XPR1: variants seen among roughly 807,000 people sequenced by gnomAD.
XPR1 encodes xenotropic and polytropic retrovirus receptor 1.
A neutral mutation model predicts 87.5 loss-of-function variants in XPR1; 28 were observed. The observed-to-expected ratio is 0.32, with a 90% CI of 0.24 to 0.44. The LOEUF (loss-of-function observed/expected upper bound fraction) is 0.44. XPR1 is among the 20% of genes least tolerant of loss of function. XPR1 has a pLI of 1.00. For synonymous variants in XPR1, 300 were observed against 306.1 expected (o/e 0.98, Z 0.21); for missense variants, 559 against 862.3 (o/e 0.65, Z 4.41).
At chr1:180,676,861 T>C (rs1656384336) in intron 1 of XPR1, among the ~76,000 whole-genome samples, 1 of 152,224 alleles carries the variant, frequency 6.6e-6, no homozygotes, top group South Asian at 2.1e-4. Flanking sequence ...TGTAATGTAA[T>C]GTAATCTTAG....
chr1:180,876,856 T>G (rs1356981355), intron 13 of XPR1, among the ~76,000 whole-genome samples: 1 of 152,216 alleles, frequency 6.6e-6, no homozygotes, highest in Non-Finnish European at 1.5e-5. Flanking sequence ...TGTTCCCACT[T>G]TTATTTAATA....
intron 2 of XPR1, among the ~76,000 whole-genome samples, chr1:180,692,725 T>C (rs2101959217): frequency 6.6e-6 from 1 of 152,272 alleles, no homozygotes; most frequent in African/African-American, 2.4e-5. Context: ...TGAAGAAATA[T>C]CTACTTCTTT....
intron 1 of XPR1, among the ~76,000 whole-genome samples, chr1:180,647,230 A>T (rs953276122): frequency 1.3e-5 from 2 of 152,220 alleles, no homozygotes; most frequent in Non-Finnish European, 2.9e-5. Flanking sequence ...AGCCGCTGTA[A>T]ATATGGATGA....
intron 7 of XPR1, among the ~76,000 whole-genome samples, chr1:180,816,863 T>C (rs1182705469): frequency 2.0e-5 from 3 of 152,332 alleles, no homozygotes; most frequent in Admixed American, 1.3e-4. Context: ...CTCCTACTTA[T>C]TAATAAAAGA....
chr1:180,791,006 G>A (rs1450700072), intron 3 of XPR1, among the ~76,000 whole-genome samples: 1 of 151,982 alleles, frequency 6.6e-6, no homozygotes, highest in Non-Finnish European at 1.5e-5. Flanking sequence ...CATATAGCAG[G>A]AGGAGGAGGA....
chr1:180,648,292 G>C lies in XPR1; in HGVS notation c.69+16022G>C, dbSNP rs553678097. On this transcript the variant is annotated intron_variant, in intron 1 of 14. Transcript: ENST00000367590. ...TGTAGCAGCAGAGGTTAAGGTTCTA[G>C]GTCTGTCTCTGCCATTAAGTGGCAG... is the stretch of plus-strand genomic sequence containing the variant. 1.1e-4 allele frequency among the ~76,000 whole-genome samples: 16 copies of C among 152,280 alleles called. No homozygotes were observed. In the East Asian group the frequency reaches 2.5e-3, roughly 24 times the overall value.
intron 12 of XPR1, among the ~76,000 whole-genome samples, chr1:180,864,818 G>A (rs1043497354): frequency 6.6e-6 from 1 of 152,142 alleles, no homozygotes; most frequent in Non-Finnish European, 1.5e-5. Flanking sequence ...AATCCTGAAT[G>A]TGAATGTAAA....
chr1:180,704,814 G>GTT (rs567903048), intron 2 of XPR1, among the ~76,000 whole-genome samples: 917 of 51,890 alleles, frequency 0.018, 76 homozygotes, highest in South Asian at 0.026. Context: ...ACTGTTGGTT[G>GTT]TTTTTTTTTT....
intron 2 of XPR1, among the ~76,000 whole-genome samples, chr1:180,734,498 G>T (rs1400728871): frequency 6.6e-6 from 1 of 152,192 alleles, no homozygotes; most frequent in Non-Finnish European, 1.5e-5. Flanking sequence ...GCAATGATCT[G>T]AGAAGTTTCA....
At chr1:180,767,980 G>T (rs1457591123) in intron 2 of XPR1, among the ~76,000 whole-genome samples, 1 of 152,058 alleles carries the variant, frequency 6.6e-6, no homozygotes, top group African/African-American at 2.4e-5. Flanking sequence ...GAGTAGCTGG[G>T]ACTACAGGCG....
intron 2 of XPR1, among the ~76,000 whole-genome samples, chr1:180,710,991 G>C (rs1273396201): frequency 6.7e-6 from 1 of 149,588 alleles, no homozygotes; most frequent in Non-Finnish European, 1.5e-5. Flanking sequence ...GCTGCCGGGC[G>C]GAGGGGCTCC....
chr1:180,843,869 G>A (rs1468495303), intron 11 of XPR1, among the ~76,000 whole-genome samples: 12 of 152,146 alleles, frequency 7.9e-5, no homozygotes, highest in Non-Finnish European at 1.5e-4. Flanking sequence ...AGTTTAAAAA[G>A]TCTCTACTAT....
chr1:180,776,548 C>A (rs1254883628), intron 2 of XPR1, among the ~76,000 whole-genome samples: 2 of 151,966 alleles, frequency 1.3e-5, no homozygotes, highest in East Asian at 3.9e-4. Context: ...CCAGAAATTA[C>A]ATTGTTTATA....
At chr1:180,834,660 T>A (rs897493970) in intron 9 of XPR1, among the ~76,000 whole-genome samples, 2 of 152,234 alleles carry the variant, frequency 1.3e-5, no homozygotes, top group African/African-American at 4.8e-5. Flanking sequence ...CTTTTTTTCC[T>A]CCTTTACTTC....
At chr1:180,677,559 C>T (rs1656409305) in intron 1 of XPR1, among the ~76,000 whole-genome samples, 1 of 152,120 alleles carries the variant, frequency 6.6e-6, no homozygotes, top group African/African-American at 2.4e-5. Context: ...CAAAGTATCT[C>T]AGGCACTGAT....
chr1:180,670,099 C>G (rs2101929696), intron 1 of XPR1, among the ~76,000 whole-genome samples: 1 of 151,878 alleles, frequency 6.6e-6, no homozygotes, highest in Non-Finnish European at 1.5e-5. Flanking sequence ...TATTTCCATC[C>G]TTTCACTTTC....
At chr1:180,708,620 C>T (rs535497462) in intron 2 of XPR1, among the ~76,000 whole-genome samples, 1 of 151,670 alleles carries the variant, frequency 6.6e-6, no homozygotes, top group African/African-American at 2.4e-5. Context: ...GCATAACTGA[C>T]TCCTATTTTT....
intron 2 of XPR1, among the ~76,000 whole-genome samples, chr1:180,781,546 C>G (rs1648938270): frequency 6.7e-6 from 1 of 149,328 alleles, no homozygotes; most frequent in South Asian, 2.1e-4. Context: ...GTAAAAAGCA[C>G]TTGATGGTGG....
chr1:180,764,457 T>C (rs1005999726), intron 2 of XPR1, among the ~76,000 whole-genome samples: 5 of 151,890 alleles, frequency 3.3e-5, no homozygotes, highest in African/African-American at 1.2e-4. Context: ...TAAAACTTTC[T>C]TGTTATTTTT....
Sources: allele counts gnomAD v4.1 joint callset (sites outside exome capture counted in the v4.1 genomes callset), GRCh38; gene constraint gnomAD v4.1.1; transcripts MANE v1.5; gene names NCBI Gene and HGNC (gene_info 2026-07-23, HGNC 2026-07-21).